The following DTD1 variants were observed in gnomAD, a reference collection of about 807,000 sequenced individuals.
The protein encoded by DTD1 is D-tyrosyl-tRNA deacylase 1 homolog.
Under a neutral mutation model 25.6 loss-of-function variants are expected in DTD1, and 13 were observed. That is an observed-to-expected ratio of 0.51 (90% CI 0.33 to 0.81). DTD1 has a LOEUF of 0.81. Among genes scored for constraint, DTD1 ranks in the 30% least tolerant of loss-of-function variants. The pLI, the probability that DTD1 is intolerant of heterozygous loss-of-function variation, is 0.02. For missense variants in DTD1, 193 were observed against 266.4 expected (o/e 0.72, Z 1.92); for synonymous variants, 110 against 103.6 (o/e 1.06, Z -0.37).
intron 4 of DTD1, among the ~76,000 whole-genome samples, chr20:18,726,556 T>C (rs1285009130): frequency 6.6e-6 from 1 of 152,174 alleles, no homozygotes; most frequent in Admixed American, 6.5e-5. Flanking sequence ...GCCTTGTGCA[T>C]GGATGTGAAG....
At chr20:18,662,778 A>T (rs1201980196) in intron 4 of DTD1, among the ~76,000 whole-genome samples, 5 of 152,122 alleles carry the variant, frequency 3.3e-5, no homozygotes, top group African/African-American at 1.2e-4. Flanking sequence ...TTTCCTTTTA[A>T]ATAGATATAA....
At position 18,609,236 on chromosome 20, in the gene DTD1, G is replaced by T. The variant is rs564091124; in HGVS notation, c.370+12995G>T. 2.4e-4 allele frequency among the ~76,000 whole-genome samples: 36 copies of T among 151,864 alleles called. 2 individuals carry two copies. The highest frequency in any genetic ancestry group is 1.1e-3 in the Admixed American group (17 of 15,244). On this transcript the variant is annotated intron_variant, in intron 3 of 5. Transcript: ENST00000377452. ...CCGCTCACTGCAACCTCCACCTCCT[G>T]GGCTCAGGTGATCCTCCTACCTCAG...
chr20:18,649,021 C>CAAAAAAAAAAA (rs2060862261), intron 4 of DTD1, among the ~76,000 whole-genome samples: 1 of 102,630 alleles, frequency 9.7e-6, no homozygotes. Context: ...AAAAAAAAAG[C>CAAAAAAAAAAA]AAATTTAACT....
intron 4 of DTD1, among the ~76,000 whole-genome samples, chr20:18,674,077 T>C (rs2060960576): frequency 6.6e-6 from 1 of 152,204 alleles, no homozygotes; most frequent in Non-Finnish European, 1.5e-5. Flanking sequence ...TGGATTTATA[T>C]ATCCTACTTT....
At chr20:18,743,779 G>A in intron 4 of DTD1, among the ~76,000 whole-genome samples, 1 of 151,950 alleles carries the variant, frequency 6.6e-6, no homozygotes, top group East Asian at 1.9e-4. Context: ...GAGATGAAAA[G>A]CCTTCATATA....
intron 3 of DTD1, among the ~76,000 whole-genome samples, chr20:18,600,727 C>T (rs1391977761): frequency 6.6e-6 from 1 of 152,202 alleles, no homozygotes. Flanking sequence ...ATCTCCCTGT[C>T]TATGAACATG....
chr20:18,707,925 A>G (rs2061132883), intron 4 of DTD1, among the ~76,000 whole-genome samples: 1 of 151,022 alleles, frequency 6.6e-6, no homozygotes. Flanking sequence ...GTGTCTGGTG[A>G]GGGTGTGGCG....
At chr20:18,601,218 G>A (rs1030255360) in intron 3 of DTD1, among the ~76,000 whole-genome samples, 4 of 151,970 alleles carry the variant, frequency 2.6e-5, no homozygotes, top group Non-Finnish European at 4.4e-5. Flanking sequence ...TGTTCTCCCC[G>A]GCCAGGCGTC....
At chr20:18,666,857 G>C (rs939114401) in intron 4 of DTD1, among the ~76,000 whole-genome samples, 2 of 152,176 alleles carry the variant, frequency 1.3e-5, no homozygotes, top group African/African-American at 4.8e-5. Context: ...GAGCCAAAAA[G>C]CACATTAGTT....
In DTD1 at chr20:18,766,036, C is replaced by T. The variant is rs2061377949; in HGVS notation, c.*2696C>T. On this transcript the variant is annotated 3_prime_UTR_variant, in exon 6 of 6. Transcript: ENST00000377452. ...ACCAAGCTCTTGTGGCTACACAAAA[C>T]ATAGACCAAATAAAGGCATCTTTGG... The T allele has an allele frequency of 6.6e-6, 1 of 152,216 alleles. No individual in the cohort carries two copies. Among genetic ancestry groups the T allele is most frequent in the Admixed American group, 6.5e-5 (1 of 15,280 alleles). 9.4% of individuals were successfully genotyped at this position (152,216 alleles called of 1,614,324 possible).
rs1453932892 is a variant in DTD1 at position 18,766,073 on chromosome 20, C to T, written c.*2733C>T. Reference sequence around the variant, plus strand: ...AAAGGCATCTTTGGGGGCTGGATGTCCATAGCAGCACCTCATGGTTAGTGG... The same window carrying T: ...AAAGGCATCTTTGGGGGCTGGATGTTCATAGCAGCACCTCATGGTTAGTGG... On this transcript the variant is annotated 3_prime_UTR_variant, in exon 6 of 6. Coordinates refer to ENST00000377452, the MANE Select transcript of DTD1 (RefSeq NM_080820.6). 6.6e-6 allele frequency: 1 copy of T among 152,212 alleles called. No individual in the cohort carries two copies. Among genetic ancestry groups the T allele is most frequent in the Non-Finnish European group, 1.5e-5 (1 of 68,058 alleles). 9.4% of individuals were successfully genotyped at this position (152,212 alleles called of 1,614,324 possible). A position where few individuals can be genotyped will look rare whatever the true frequency, so the allele number is the denominator to read the frequency against.
intron 4 of DTD1, among the ~76,000 whole-genome samples, chr20:18,702,394 A>G (rs145531643): frequency 6.6e-6 from 1 of 152,148 alleles, no homozygotes; most frequent in African/African-American, 2.4e-5. Flanking sequence ...CCCTTTTCTC[A>G]TTTCCCAGAC....
chr20:18,599,322 G>A (rs532607861), intron 3 of DTD1, among the ~76,000 whole-genome samples: 4 of 151,928 alleles, frequency 2.6e-5, no homozygotes, highest in Non-Finnish European at 4.4e-5. Flanking sequence ...TTACAGGTGC[G>A]TGCCACCACA....
At chr20:18,610,090 C>T (rs889211434) in intron 3 of DTD1, among the ~76,000 whole-genome samples, 1 of 152,040 alleles carries the variant, frequency 6.6e-6, no homozygotes, top group Non-Finnish European at 1.5e-5. Flanking sequence ...TCCCTTGAAA[C>T]ATAGATGAAA....
In DTD1 at chr20:18,655,420, G is replaced by T. The variant is rs181762543; in HGVS notation, c.477+27187G>T. Among the ~76,000 whole-genome samples the T allele has an allele frequency of 3.9e-5, 6 of 152,296 alleles. No individual in the cohort carries two copies. The East Asian group carries it at 9.6e-4, about 24-fold the overall frequency. ...GTGATAATTTCTGTTTGTTGCAAGG[G>T]TAAGTCTGTTTTAATTATGGCAATT... On this transcript the variant is annotated intron_variant, in intron 4 of 5. Coordinates refer to ENST00000377452, the MANE Select transcript of DTD1 (RefSeq NM_080820.6).
At chr20:18,691,259 T>C (rs754231462) in intron 4 of DTD1, among the ~76,000 whole-genome samples, 3 of 152,238 alleles carry the variant, frequency 2.0e-5, no homozygotes, top group Non-Finnish European at 4.4e-5. Flanking sequence ...ATCCCATTAC[T>C]AAGTATGTAC....
At position 18,708,280 on chromosome 20, in the gene DTD1, ATATAT is replaced by A. The variant is rs1568676931; in HGVS notation, c.478-35814_478-35810del. 2.8e-4 allele frequency among the ~76,000 whole-genome samples: 10 copies of A among 36,294 alleles called. No homozygotes were observed. The South Asian group carries it at 6.4e-3, about 23-fold the overall frequency. The allele number at this position is 36,294 out of a possible 152,430, so 23.8% of individuals were successfully genotyped here. A position where few individuals can be genotyped will look rare whatever the true frequency, so the allele number is the denominator to read the frequency against. On this transcript the variant is annotated intron_variant, in intron 4 of 5. Coordinates refer to ENST00000377452, the MANE Select transcript of DTD1 (RefSeq NM_080820.6). ...TATATATATTTTATATATATATAAT[ATATAT>A]TATATATATATAATATATATATTTT...
rs957073378 is a variant in DTD1, at chr20:18,596,011, G to A, written c.140G>A (p.Arg47Gln). 5.0e-6 allele frequency: 8 copies of A among 1,613,984 alleles called. No individual in the cohort carries two copies. Among genetic ancestry groups the A allele is most frequent in the South Asian group, 1.1e-5 (1 of 91,078 alleles). ...DTQKELEHMV[R>Q]KILNLRVFED... ...ACTGCTCTTTTTCCCCTTAGGGTCC[G>A]AAAGATTCTAAACCTGCGTGTATTT... Residue 47 changes from arginine to glutamine, a missense_variant, in exon 3 of 6, where the codon CGA (arginine) becomes CAA (glutamine). Physicochemically the swap from Arg to Gln is conservative, Grantham distance 43. Coordinates refer to ENST00000377452, the MANE Select transcript of DTD1 (RefSeq NM_080820.6).
At chr20:18,625,559 C>T (rs1051984200) in intron 3 of DTD1, among the ~76,000 whole-genome samples, 5 of 152,194 alleles carry the variant, frequency 3.3e-5, no homozygotes, top group Non-Finnish European at 7.3e-5. Context: ...TGGATGCTAG[C>T]GGCTTCCAGA....
Sources: allele counts gnomAD v4.1 joint callset (sites outside exome capture counted in the v4.1 genomes callset), GRCh38; gene constraint gnomAD v4.1.1; transcripts MANE v1.5; gene names NCBI Gene and HGNC (gene_info 2026-07-23, HGNC 2026-07-21).